PZP: variants seen among roughly 807,000 people sequenced by gnomAD.
PZP encodes the protein pregnancy zone protein.
A neutral mutation model predicts 179.8 loss-of-function variants in PZP; 150 were observed. The observed-to-expected ratio is 0.83, with a 90% CI of 0.73 to 0.96. PZP has a LOEUF of 0.96. Ranked by LOEUF, PZP falls within the 40% of genes least tolerant of loss-of-function variation. PZP has a pLI of 0.00. For missense variants in PZP, 1,689 were observed against 1,764.0 expected, an observed-to-expected ratio of 0.96 and a Z score of 0.76; for synonymous variants, 624 against 652.3, an observed-to-expected ratio of 0.96 and a Z score of 0.66.
chr12:9,176,666 A>G (rs1942385867), intron 15 of PZP, among the ~76,000 whole-genome samples: 1 of 152,200 alleles, frequency 6.6e-6, no homozygotes, highest in African/African-American at 2.4e-5. Flanking sequence ...CCCTGGACAG[A>G]TGTAAGATTG....
rs57006764 is a variant in PZP at position 9,160,355 on chromosome 12, G to A, written c.3008C>T (p.Thr1003Met). Residue 1003 changes from threonine (T) to methionine (M), a missense_variant, in exon 24 of 36, where the codon ACG (threonine) becomes ATG (methionine). This residue lies in a region of PZP where 746 missense variants were observed against 749.2 expected (regional missense o/e 1.00). Transcript: ENST00000261336. Reference protein sequence around the residue: ...LNYLNETQQLTQEIKAKAVGY... With the variant: ...LNYLNETQQLMQEIKAKAVGY... The stretch of plus-strand genomic sequence containing the variant: ...AACGGCCTTGGCCTTGATCTCCTGC[G>A]TCAGCTGCTGGGTTTCATTCAGATA... 0.18 allele frequency: 286,112 copies of A among 1,613,548 alleles called. 28,377 individuals are homozygous for A. The highest frequency in any genetic ancestry group is 0.42 in the East Asian group (18,736 of 44,860).
intron 2 of PZP, among the ~76,000 whole-genome samples, chr12:9,203,076 A>G (rs929994575): frequency 6.6e-6 from 1 of 152,208 alleles, no homozygotes; most frequent in Non-Finnish European, 1.5e-5. Context: ...TGTGCAAAAA[A>G]TTATGTTGCA....
chr12:9,160,202 G>T, intron 24 of PZP, 112 bp downstream of exon 24: 1 of 1,170,104 alleles, frequency 8.5e-7, no homozygotes, highest in Non-Finnish European at 1.2e-6. Flanking sequence ...TGGGAAGATT[G>T]TTGTTTTCAT....
rs2120666799 is a variant in PZP, at chr12:9,160,927, A to C, written c.2872+106T>G. On this transcript the variant is annotated intron_variant, in intron 23 of 35. Transcript: ENST00000261336. ...GAGACTCCATCTCAAAAAAATAAAA[A>C]AGAATAGCAGCTATCAAGAACTTGA... is the stretch of plus-strand genomic sequence containing the variant. The C allele has an allele frequency of 4.1e-6, 4 of 976,806 alleles. No homozygotes were observed. The South Asian group carries it at 5.6e-5, about 14-fold the overall frequency. The allele number at this position is 976,806 out of a possible 1,614,324, so 60.5% of individuals were successfully genotyped here. A position where few individuals can be genotyped will look rare whatever the true frequency, so the allele number is the denominator to read the frequency against.
At position 9,169,606 on chromosome 12, in the gene PZP, G is replaced by C. The variant is rs776598820; in HGVS notation, c.1840-15C>G. On this transcript the variant is annotated splice_polypyrimidine_tract_variant and intron_variant, in intron 15 of 35. Coordinates refer to ENST00000261336, the MANE Select transcript of PZP (RefSeq NM_002864.3). ...AGATTATATACCTGTAGCAGTGGGG[G>C]GATCAAAGGCAGAACTGTTACTTAC... 1 of 1,576,286 alleles carries C rather than the reference G, an allele frequency of 6.3e-7. No homozygotes were observed. The highest frequency in any genetic ancestry group is 8.6e-7 in the Non-Finnish European group (1 of 1,164,636).
intron 1 of PZP, among the ~76,000 whole-genome samples, chr12:9,206,837 T>C (rs1459415432): frequency 6.6e-6 from 1 of 152,154 alleles, no homozygotes; most frequent in African/African-American, 2.4e-5. Context: ...CAATGTAGTG[T>C]AGGAATGCAT....
At chr12:9,171,386 G>A (rs1159006107) in intron 15 of PZP, among the ~76,000 whole-genome samples, 2 of 152,190 alleles carry the variant, frequency 1.3e-5, no homozygotes, top group African/African-American at 4.8e-5. Flanking sequence ...AGGTAGATAA[G>A]TTCACAAAGA....
At position 9,196,301 on chromosome 12, in the gene PZP, GCTTACCTGTGCATTACAACATAT is replaced by G. The variant is rs1395099047; in HGVS notation, c.1092+6_1092+28del. ...GTGCTTAGGTGCAACTGGATACTTT[GCTTACCTGTGCATTACAACATAT>G]CTTACCTGTGCAAAAAAGGGGATTC... On this transcript the variant is annotated splice_donor_region_variant and intron_variant, in intron 10 of 35. Transcript: ENST00000261336. The G allele has an allele frequency of 6.7e-7, 1 of 1,490,598 alleles. No individual in the cohort carries two copies. The highest frequency in any genetic ancestry group is 1.1e-5 in the South Asian group (1 of 87,750). The allele number at this position is 1,490,598 out of a possible 1,614,324, so 92.3% of individuals were successfully genotyped here. A position where few individuals can be genotyped will look rare whatever the true frequency, so the allele number is the denominator to read the frequency against.
chr12:9,160,777 T>C (rs1288429270), intron 23 of PZP, among the ~76,000 whole-genome samples: 6 of 151,784 alleles, frequency 4.0e-5, no homozygotes, highest in African/African-American at 1.5e-4. Flanking sequence ...TAGCCGGGCG[T>C]GGTGGCGGGC....
chr12:9,202,291 A>G, intron 4 of PZP, 28 bp downstream of exon 4: 1 of 1,595,754 alleles, frequency 6.3e-7, no homozygotes, highest in Non-Finnish European at 8.6e-7. Flanking sequence ...TCTACCCACA[A>G]CCCAAACCAC....
chr12:9,177,555 G>A (rs1942474541), intron 15 of PZP, among the ~76,000 whole-genome samples: 2 of 152,182 alleles, frequency 1.3e-5, no homozygotes, highest in South Asian at 4.1e-4. Context: ...TTGTTATGCA[G>A]CAGTAGATAG....
At chr12:9,194,620 C>A (rs944421992) in intron 10 of PZP, among the ~76,000 whole-genome samples, 58 of 152,068 alleles carry the variant, frequency 3.8e-4, no homozygotes, top group Admixed American at 1.0e-3. Context: ...GCCCGCCACC[C>A]CGCCCAGCTA....
At chr12:9,206,829 A>G (rs1479205801) in intron 1 of PZP, among the ~76,000 whole-genome samples, 1 of 152,168 alleles carries the variant, frequency 6.6e-6, no homozygotes, top group Non-Finnish European at 1.5e-5. Flanking sequence ...GCATGGTCCA[A>G]TGTAGTGTAG....
rs752203130 is a variant in PZP, at chr12:9,150,667, T to G, written c.4361A>C (p.Lys1454Thr). ...PVGDLKPAIVKVYDYYETDES... is the reference protein window; with the variant it reads ...PVGDLKPAIVTVYDYYETDES... The stretch of plus-strand genomic sequence containing the variant: ...ACCTGTCTCATAGTAATCATAGACT[T>G]TAACAATTGCTGGCTTCAAGTCTCC... The change falls in exon 34 of 36, where the codon AAA becomes ACA. Residue 1454 changes from lysine to threonine, a missense_variant. Physicochemically the swap from Lys to Thr is moderately conservative, Grantham distance 78 (BLOSUM62 -1). Coordinates refer to ENST00000261336, the MANE Select transcript of PZP (RefSeq NM_002864.3). The G allele has an allele frequency of 5.6e-6, 9 of 1,610,074 alleles. No individual in the cohort carries two copies. The highest frequency in any genetic ancestry group is 3.3e-5 in the South Asian group (3 of 90,768).
At chr12:9,167,188 G>T (rs1941645988) in intron 17 of PZP, 1 of 152,116 alleles carries the variant, frequency 6.6e-6, no homozygotes, top group Non-Finnish European at 1.5e-5. Flanking sequence ...AAAGGATGAT[G>T]CACCTAAATG....
rs1360938345 is a variant in PZP at position 9,170,050 on chromosome 12, G to A, written c.1840-459C>T. On this transcript the variant is annotated intron_variant, in intron 15 of 35. Coordinates refer to ENST00000261336, the MANE Select transcript of PZP (RefSeq NM_002864.3). This position sits in a 1 kb window ranked among gnomAD's most constrained non-coding sequence, Gnocchi z 4.6. ...GCAGCTGCGGTCTGCAGCACTTACGGAGTGGAATGAAAAAGCTTATTAAAT... is the reference window on the plus strand; with the variant it reads ...GCAGCTGCGGTCTGCAGCACTTACGAAGTGGAATGAAAAAGCTTATTAAAT... 1 of 152,442 alleles carries A rather than the reference G, an allele frequency of 6.6e-6. No homozygotes were observed. Among genetic ancestry groups the A allele is most frequent in the Non-Finnish European group, 1.5e-5 (1 of 68,238 alleles). 9.4% of individuals were successfully genotyped at this position (152,442 alleles called of 1,614,324 possible).
chr12:9,196,276 G>T, intron 10 of PZP, 54 bp downstream of exon 10: 1 of 1,265,220 alleles, frequency 7.9e-7, no homozygotes, highest in Non-Finnish European at 1.1e-6. Flanking sequence ...ATTGTGTCCT[G>T]TGCTTAGGTG....
chr12:9,180,716 T>A (rs982291741), intron 15 of PZP, among the ~76,000 whole-genome samples: 1 of 152,214 alleles, frequency 6.6e-6, no homozygotes, highest in Non-Finnish European at 1.5e-5. Context: ...AACCTAGGCA[T>A]CACCATTCAG....
chr12:9,158,129 G>GT (rs1265334918), intron 26 of PZP, among the ~76,000 whole-genome samples: 1 of 152,062 alleles, frequency 6.6e-6, no homozygotes, highest in South Asian at 2.1e-4. Flanking sequence ...TTTGTAAAAT[G>GT]TTTTTTGTAG....
Sources: gnomAD v4.1 joint callset for allele counts (sites outside exome capture counted in the v4.1 genomes callset) on GRCh38, gnomAD v4.1.1 for gene constraint, gnomAD v4.1.1 regional missense constraint, Gnocchi (gnomAD v3.1) non-coding constraint, MANE v1.5 for transcripts, NCBI Gene and HGNC (gene_info 2026-07-23, HGNC 2026-07-21) for gene names.